ADCY6: variants seen among roughly 807,000 people sequenced by gnomAD.
ADCY6 encodes adenylate cyclase 6, also known as adenylate cyclase type 6.
ADCY6 carries 59 observed loss-of-function variants against 111.6 expected under a neutral mutation model. That is an observed-to-expected ratio of 0.53 (90% CI 0.43 to 0.66). The LOEUF (loss-of-function observed/expected upper bound fraction) is 0.66, where lower values mean the gene tolerates loss of function less well. ADCY6 is among the 30% of genes least tolerant of loss of function. The pLI is 0.00. For missense variants in ADCY6, 1,242 were observed against 1,595.6 expected, an observed-to-expected ratio of 0.78 and a Z score of 3.78; for synonymous variants, 576 against 642.9, an observed-to-expected ratio of 0.90 and a Z score of 1.57.
rs115324533 is a variant in ADCY6 at position 48,780,584 on chromosome 12, G to T, written c.864+1987C>A. 7.0e-3 allele frequency among the ~76,000 whole-genome samples: 1,060 copies of T among 152,278 alleles called. 12 individuals carry two copies. The highest frequency in any genetic ancestry group is 0.024 in the African/African-American group (1,012 of 41,550). On this transcript the variant is annotated intron_variant, in intron 2 of 21. Coordinates refer to ENST00000357869, the MANE Select transcript of ADCY6 (RefSeq NM_015270.5). ...GTAGCCAGACACTCCTGGGGAGACG[G>T]GCACAGTCCTGGCCTCCCTGGGACT...
chr12:48,775,537 G>A, intron 10 of ADCY6, 87 bp from the exon 11 acceptor site: 1 of 1,580,164 alleles, frequency 6.3e-7, no homozygotes, highest in Non-Finnish European at 8.7e-7. Context: ...AGCACCTGAG[G>A]GAGGGAGGGA....
chr12:48,773,817 G>T (rs751223519), intron 15 of ADCY6, 123 bp downstream of exon 15: 62 of 1,454,486 alleles, frequency 4.3e-5, no homozygotes, highest in Non-Finnish European at 5.5e-5. Context: ...GCCCCTGGTT[G>T]CTCCTAGTGT....
Position 48,772,444 on chromosome 12 carries a change from T to C in ADCY6, c.2658-20A>G, listed in dbSNP as rs1333811971. 2 of 1,614,068 alleles carry C rather than the reference T, an allele frequency of 1.2e-6. No individual in the cohort carries two copies. The highest frequency in any genetic ancestry group is 1.7e-6 in the Non-Finnish European group (2 of 1,180,018). On this transcript the variant is annotated intron_variant, in intron 17 of 21. Transcript: ENST00000357869. ...GCTGGACTAAGGATAAGCAGAGACA[T>C]GCTTGGTGTCTGAAGGAGGCATCTA...
chr12:48,772,072 A>G lies in ADCY6; in HGVS notation c.2788-99T>C, dbSNP rs774259312. ...GCGGATAAGAGGGAATCACATAGAG[A>G]AAGAAAGGCCCAGACAGATGAGGCC... On this transcript the variant is annotated intron_variant, in intron 18 of 21. Coordinates refer to ENST00000357869, the MANE Select transcript of ADCY6 (RefSeq NM_015270.5). The G allele has an allele frequency of 4.0e-6, 6 of 1,485,868 alleles. No homozygotes were observed. In the East Asian group the frequency reaches 1.4e-4, roughly 35 times the overall value. 92.0% of individuals were successfully genotyped at this position (1,485,868 alleles called of 1,614,324 possible).
intron 1 of ADCY6, among the ~76,000 whole-genome samples, chr12:48,784,401 G>C (rs1343939015): frequency 6.6e-6 from 1 of 152,068 alleles, no homozygotes. Flanking sequence ...ACATAAGTGA[G>C]AGAACCACGA....
Position 48,777,582 on chromosome 12 carries a change from G to C in ADCY6, c.1136+33C>G. 1.9e-6 allele frequency: 3 copies of C among 1,612,834 alleles called. No homozygotes were observed. The South Asian group carries it at 3.3e-5, about 18-fold the overall frequency. ...GCCCTCAAAGACTTCCAGACCCCCC[G>C]CCCTGCTGGGCATCCTCCTACCCTC... On this transcript the variant is annotated intron_variant, in intron 4 of 21. Coordinates refer to ENST00000357869, the MANE Select transcript of ADCY6 (RefSeq NM_015270.5). This position sits in a 1 kb window ranked among gnomAD's most constrained non-coding sequence, Gnocchi z 4.9.
rs1454304201 is a variant in ADCY6, at chr12:48,782,404, A to C, written c.864+167T>G. 6.6e-6 allele frequency among the ~76,000 whole-genome samples: 1 copy of C among 151,906 alleles called. No homozygotes were observed. The highest frequency in any genetic ancestry group is 2.4e-5 in the African/African-American group (1 of 41,338). ...GATCCCACATGGAGGCAGACCCCTC[A>C]ACCCTAGCCTCCCACCTCCTGCTCC... is the stretch of plus-strand genomic sequence containing the variant. On this transcript the variant is annotated intron_variant, in intron 2 of 21. Coordinates refer to ENST00000357869, the MANE Select transcript of ADCY6 (RefSeq NM_015270.5). This position sits in a 1 kb window ranked among gnomAD's most constrained non-coding sequence, Gnocchi z 4.3.
chr12:48,777,070 A>C lies in ADCY6; in HGVS notation c.1376+34T>G. On this transcript the variant is annotated intron_variant, in intron 6 of 21. Coordinates refer to ENST00000357869, the MANE Select transcript of ADCY6 (RefSeq NM_015270.5). This position sits in a 1 kb window ranked among gnomAD's most constrained non-coding sequence, Gnocchi z 4.9. Reference sequence around the variant, plus strand: ...GTAGGAGCAGTCTGGGGCACCCGCAATTCCAGGAAGCCTAGGAATGGGGCA... The same window carrying C: ...GTAGGAGCAGTCTGGGGCACCCGCACTTCCAGGAAGCCTAGGAATGGGGCA... The C allele has an allele frequency of 6.4e-7, 1 of 1,551,148 alleles. No homozygotes were observed. The highest frequency in any genetic ancestry group is 8.7e-7 in the Non-Finnish European group (1 of 1,147,586).
chr12:48,775,933 G>A (rs1477569216), intron 9 of ADCY6, 30 bp downstream of exon 9: 1 of 1,578,844 alleles, frequency 6.3e-7, no homozygotes, highest in Non-Finnish European at 8.6e-7. Context: ...AGAAAATGAG[G>A]CCCTAGGTCT....
chr12:48,778,241 A>G lies in ADCY6; in HGVS notation c.881T>C (p.Leu294Pro), dbSNP rs1215484112. 2.5e-6 allele frequency: 4 copies of G among 1,614,132 alleles called. No individual in the cohort carries two copies. Reference protein sequence around the residue: ...FLWKQLGANVLLFLCTNVIGI... With the variant: ...FLWKQLGANVPLFLCTNVIGI... ...AATGACGTTGGTGCAGAGGAACAGC[A>G]GCACATTGGCACCGAGCTGCAGGAG... The change falls in exon 3 of 22, where the codon CTG becomes CCG. Residue 294 changes from leucine to proline, a missense_variant. By Grantham distance (98) the Leu-to-Pro change is moderately conservative. Transcript: ENST00000357869.
chr12:48,775,067 A>G lies in ADCY6; in HGVS notation c.1981-13T>C. ...CCTTCCGGGAGTACTGAGGGAGAGG[A>G]GGCTGAGCTGAGTGCTGGGCCCTCC... On this transcript the variant is annotated splice_polypyrimidine_tract_variant and intron_variant, in intron 11 of 21. Coordinates refer to ENST00000357869, the MANE Select transcript of ADCY6 (RefSeq NM_015270.5). The G allele has an allele frequency of 6.5e-7, 1 of 1,550,270 alleles. No homozygotes were observed. The highest frequency in any genetic ancestry group is 1.4e-5 in the African/African-American group (1 of 73,106).
Position 48,777,772 on chromosome 12 carries a change from C to T in ADCY6, c.1015-36G>A. On this transcript the variant is annotated intron_variant, in intron 3 of 21. Transcript: ENST00000357869. The surrounding 1 kb of genome is among the most constrained non-coding windows in gnomAD (Gnocchi z 4.9). ...GGTTCCAATAGGGCATCACTATACT[C>T]TTGGTCTCACATTGCAATCCCTCCT... 1 of 1,611,158 alleles carries T rather than the reference C, an allele frequency of 6.2e-7. No homozygotes were observed.
chr12:48,768,615 GA>G lies in ADCY6; in HGVS notation c.3482del (p.Phe1161SerfsTer86). On this transcript the variant is annotated frameshift_variant, in exon 22 of 22. Transcript: ENST00000357869. LOFTEE classifies it high-confidence loss of function. ...VKGKGEMTTY[F>X]LNGGPSS ...GTTAACTGCTGGGGCCCCCATTGAG[GA>G]AGTAGGTGGTCATCTCCCCCTTGCC... The G allele has an allele frequency of 1.2e-6, 2 of 1,614,096 alleles. No homozygotes were observed. The highest frequency in any genetic ancestry group is 1.7e-6 in the Non-Finnish European group (2 of 1,180,000).
chr12:48,777,062 C>G lies in ADCY6; in HGVS notation c.1376+42G>C, dbSNP rs994880636. 5.2e-6 allele frequency: 8 copies of G among 1,544,682 alleles called. No homozygotes were observed. The Admixed American group carries it at 1.0e-4, about 19-fold the overall frequency. The stretch of plus-strand genomic sequence containing the variant: ...ATCAAAAAGTAGGAGCAGTCTGGGG[C>G]ACCCGCAATTCCAGGAAGCCTAGGA... On this transcript the variant is annotated intron_variant, in intron 6 of 21. Transcript: ENST00000357869. The surrounding 1 kb of genome is among the most constrained non-coding windows in gnomAD (Gnocchi z 4.9).
At position 48,782,472 on chromosome 12, in the gene ADCY6, C is replaced by A. The variant is rs1236513326; in HGVS notation, c.864+99G>T. 5 of 1,481,202 alleles carry A rather than the reference C, an allele frequency of 3.4e-6. No homozygotes were observed. The African/African-American group carries it at 4.2e-5, about 13-fold the overall frequency. The allele number at this position is 1,481,202 out of a possible 1,614,324, so 91.8% of individuals were successfully genotyped here. On this transcript the variant is annotated intron_variant, in intron 2 of 21. Transcript: ENST00000357869. This position sits in a 1 kb window ranked among gnomAD's most constrained non-coding sequence, Gnocchi z 4.3. ...AGACATCCCTGCACCCAGCTTCCAC[C>A]CATGACTCACCCGCCCTTCCTCACT...
At chr12:48,780,898 G>GTTCTGGCA (rs1024416535) in intron 2 of ADCY6, among the ~76,000 whole-genome samples, 2 of 152,166 alleles carry the variant, frequency 1.3e-5, no homozygotes, top group South Asian at 2.1e-4. Flanking sequence ...AAAAAGGTAC[G>GTTCTGGCA]TTCTGGCATT....
chr12:48,771,764 A>G lies in ADCY6; in HGVS notation c.2997T>C (p.Asn999=). The change falls in exon 19 of 22, where the codon AAT becomes AAC. Residue 999 remains asparagine (N), a synonymous_variant. Coordinates refer to ENST00000357869, the MANE Select transcript of ADCY6 (RefSeq NM_015270.5). The surrounding 1 kb of genome is among the most constrained non-coding windows in gnomAD (Gnocchi z 4.3). ...GCAGCCGCAGGCACTCGACACCCTCATTGTTTGCCTCCAGCTCCACATAGA... is the reference window on the plus strand; with the variant it reads ...GCAGCCGCAGGCACTCGACACCCTCGTTGTTTGCCTCCAGCTCCACATAGA... ...SEFYVELEAN[N]EGVECLRLLN... 6.2e-7 allele frequency: 1 copy of G among 1,614,162 alleles called. No homozygotes were observed. The highest frequency in any genetic ancestry group is 8.5e-7 in the Non-Finnish European group (1 of 1,180,034).
In ADCY6 at chr12:48,768,037, C is replaced by A; in HGVS notation, c.*554G>T. 6.3e-6 allele frequency: 1 copy of A among 158,226 alleles called. No homozygotes were observed. Among genetic ancestry groups the A allele is most frequent in the Non-Finnish European group, 1.4e-5 (1 of 70,876 alleles). The allele number at this position is 158,226 out of a possible 1,614,324, so 9.8% of individuals were successfully genotyped here. A position where few individuals can be genotyped will look rare whatever the true frequency, so the allele number is the denominator to read the frequency against. On this transcript the variant is annotated 3_prime_UTR_variant, in exon 22 of 22. Coordinates refer to ENST00000357869, the MANE Select transcript of ADCY6 (RefSeq NM_015270.5). ...CAAAGCTGGCTCCCCAGAGCTTCTC[C>A]CTCCTCTGCTCTGTGCATAGGAGGG...
intron 1 of ADCY6, among the ~76,000 whole-genome samples, chr12:48,787,698 T>G (rs369250318): frequency 1.3e-5 from 2 of 152,292 alleles, no homozygotes; most frequent in African/African-American, 4.8e-5. Flanking sequence ...TCCTAAGCCT[T>G]GTGCCTCTAC....
Sources: gnomAD v4.1 joint callset for allele counts (sites outside exome capture counted in the v4.1 genomes callset) on GRCh38, gnomAD v4.1.1 for gene constraint, Gnocchi (gnomAD v3.1) non-coding constraint, MANE v1.5 for transcripts, NCBI Gene and HGNC (gene_info 2026-07-23, HGNC 2026-07-21) for gene names.